Variants in DCAF17 observed in about 807,000 individuals in gnomAD.
DCAF17 encodes DDB1- and CUL4-associated factor 17.
Under a neutral mutation model 66.0 loss-of-function variants are expected in DCAF17, and 48 were observed. The ratio of observed to expected loss-of-function variants is 0.73; its 90% confidence interval spans 0.58 to 0.92. The LOEUF (loss-of-function observed/expected upper bound fraction) is 0.92, where lower values mean the gene tolerates loss of function less well. Ranked by LOEUF, DCAF17 falls within the 40% of genes least tolerant of loss-of-function variation. DCAF17 has a pLI of 0.00. For synonymous variants in DCAF17, 206 were observed against 214.6 expected, an observed-to-expected ratio of 0.96 and a Z score of 0.35; for missense variants, 562 against 622.8, an observed-to-expected ratio of 0.90 and a Z score of 1.04.
chr2:171,478,235 A>G (rs1696590239), intron 12 of DCAF17, among the ~76,000 whole-genome samples, 165 bp downstream of exon 12: 1 of 152,216 alleles, frequency 6.6e-6, no homozygotes, highest in South Asian at 2.1e-4. Flanking sequence ...CAAACCCATC[A>G]TCCTCTCTTT....
At position 171,480,005 on chromosome 2, in the gene DCAF17, C is replaced by G. The variant is rs752019061; in HGVS notation, c.1267-33C>G. ...CCTACCTGAATAACTGGATTTTGCC[C>G]CTTTCCCTCTATTTTATCTATCTAT... On this transcript the variant is annotated intron_variant, in intron 12 of 13. Coordinates refer to ENST00000375255, the MANE Select transcript of DCAF17 (RefSeq NM_025000.4). 3 of 1,610,936 alleles carry G rather than the reference C, an allele frequency of 1.9e-6. No individual in the cohort carries two copies. The Admixed American group carries it at 5.0e-5, about 27-fold the overall frequency.
In DCAF17 at chr2:171,435,107, T is replaced by A; in HGVS notation, c.151T>A (p.Trp51Arg). 6.2e-7 allele frequency: 1 copy of A among 1,611,708 alleles called. No individual in the cohort carries two copies. The highest frequency in any genetic ancestry group is 8.5e-7 in the Non-Finnish European group (1 of 1,177,890). ...GGAAAGTACTAAATTTAAGAATGTC[T>A]GGACAACTCATTCCAGGTCACCTAT... ...CQESTKFKNV[W>R]TTHSRSPIAY... is the part of the protein sequence containing the mutation. Residue 51 changes from tryptophan to arginine, a missense_variant, in exon 2 of 14, where the codon TGG (tryptophan) becomes AGG (arginine). By Grantham distance (101) the Trp-to-Arg change is moderately radical. Around this residue, in one of 3 missense-constraint regions of DCAF17, gnomAD observed 348 missense variants for 355.9 expected, o/e 0.98. Coordinates refer to ENST00000375255, the MANE Select transcript of DCAF17 (RefSeq NM_025000.4).
intron 8 of DCAF17, among the ~76,000 whole-genome samples, chr2:171,464,388 A>G (rs1695768903): frequency 6.6e-6 from 1 of 152,118 alleles, no homozygotes; most frequent in African/African-American, 2.4e-5. Flanking sequence ...GTTGTTCACA[A>G]TCTTTGGTGT....
chr2:171,461,291 A>C (rs969196467), intron 8 of DCAF17, among the ~76,000 whole-genome samples: 1 of 152,066 alleles, frequency 6.6e-6, no homozygotes, highest in African/African-American at 2.4e-5. Context: ...CCAAAAATAC[A>C]AAAAATTAGC....
chr2:171,476,729 A>G, intron 10 of DCAF17, 131 bp from the exon 11 acceptor site: 1 of 676,752 alleles, frequency 1.5e-6, no homozygotes, highest in Non-Finnish European at 2.7e-6. Context: ...TTAGTATTGT[A>G]GACTAATCAA....
intron 8 of DCAF17, among the ~76,000 whole-genome samples, chr2:171,462,813 A>G (rs187444896): frequency 2.0e-5 from 3 of 152,350 alleles, no homozygotes; most frequent in Non-Finnish European, 4.4e-5. Context: ...GGTAAGTGAC[A>G]TTAGTATTAT....
At chr2:171,460,653 C>T (rs989554064) in intron 8 of DCAF17, among the ~76,000 whole-genome samples, 1 of 152,062 alleles carries the variant, frequency 6.6e-6, no homozygotes, top group African/African-American at 2.4e-5. Context: ...ACATTAGCCT[C>T]CCAAGTAGCT....
At chr2:171,467,329 A>G (rs1695962371) in intron 8 of DCAF17, among the ~76,000 whole-genome samples, 1 of 151,918 alleles carries the variant, frequency 6.6e-6, no homozygotes, top group East Asian at 1.9e-4. Context: ...TTATGTGTTA[A>G]TTGACTATTT....
At chr2:171,447,367 T>TC in intron 3 of DCAF17, 1 of 364,946 alleles carries the variant, frequency 2.7e-6, no homozygotes. Context: ...TTTCTTTCTT[T>TC]CTTTTTTTCT....
At position 171,477,061 on chromosome 2, in the gene DCAF17, T is replaced by C. The variant is rs1696531186; in HGVS notation, c.1182+111T>C. On this transcript the variant is annotated intron_variant, in intron 11 of 13. Transcript: ENST00000375255. The stretch of plus-strand genomic sequence containing the variant: ...GTAGCAGAAAACAACAGCACAGCCC[T>C]ATAAAAGTCTGTACATTTTGTCTAC... 4 of 796,920 alleles carry C rather than the reference T, an allele frequency of 5.0e-6. No individual in the cohort carries two copies. In the Admixed American group the frequency reaches 6.8e-5, roughly 14 times the overall value. 49.4% of individuals were successfully genotyped at this position (796,920 alleles called of 1,614,324 possible).
rs1471188719 is a variant in DCAF17, at chr2:171,453,223, C to A, written c.627+10C>A. 7.6e-6 allele frequency: 12 copies of A among 1,580,604 alleles called. No individual in the cohort carries two copies. The East Asian group carries it at 1.8e-4, about 24-fold the overall frequency. On this transcript the variant is annotated intron_variant, in intron 6 of 13. Coordinates refer to ENST00000375255, the MANE Select transcript of DCAF17 (RefSeq NM_025000.4). Reference sequence around the variant, plus strand: ...AGAGATCAACAAAAAGGTAAGAACTCATTTCTTATTTAATTGCAATATTTT... The same window carrying A: ...AGAGATCAACAAAAAGGTAAGAACTAATTTCTTATTTAATTGCAATATTTT...
intron 11 of DCAF17, among the ~76,000 whole-genome samples, chr2:171,477,622 G>A (rs1254698074): frequency 6.6e-6 from 1 of 152,124 alleles, no homozygotes; most frequent in East Asian, 1.9e-4. Flanking sequence ...GGTAAACCCT[G>A]TCTCTACAAA....
At chr2:171,440,913 TGAG>T (rs1694269509) in intron 2 of DCAF17, among the ~76,000 whole-genome samples, 1 of 152,338 alleles carries the variant, frequency 6.6e-6, no homozygotes, top group East Asian at 1.9e-4. Flanking sequence ...TTTCGTGCTA[TGAG>T]GACAGACGGG....
In DCAF17 at chr2:171,473,572, G is replaced by A. The variant is rs187093964; in HGVS notation, c.982-294G>A. 4.0e-5 allele frequency among the ~76,000 whole-genome samples: 6 copies of A among 151,608 alleles called. No homozygotes were observed. The East Asian group carries it at 5.8e-4, about 15-fold the overall frequency. On this transcript the variant is annotated intron_variant, in intron 9 of 13. Transcript: ENST00000375255. ...AAACAGTGCCTATAAAGCATCAAAC[G>A]CAGTTCCTGACACAAAGTAGATGCT...
intron 11 of DCAF17, among the ~76,000 whole-genome samples, chr2:171,477,770 C>G (rs1008091660): frequency 1.3e-5 from 2 of 152,116 alleles, no homozygotes; most frequent in Non-Finnish European, 2.9e-5. Flanking sequence ...GAGGCAAGAT[C>G]GCACCACGGC....
intron 2 of DCAF17, among the ~76,000 whole-genome samples, chr2:171,440,792 A>G (rs1001402176): frequency 6.6e-6 from 1 of 152,126 alleles, no homozygotes; most frequent in Non-Finnish European, 1.5e-5. Flanking sequence ...GGAAAGCTGT[A>G]ATTGTCAGTA....
At chr2:171,464,231 A>G (rs1336286723) in intron 8 of DCAF17, among the ~76,000 whole-genome samples, 2 of 152,196 alleles carry the variant, frequency 1.3e-5, no homozygotes, top group Admixed American at 6.5e-5. Context: ...AGAGAGCAAC[A>G]CTACAAACTG....
intron 9 of DCAF17, among the ~76,000 whole-genome samples, chr2:171,469,695 CAT>C (rs1266941881): frequency 6.6e-6 from 1 of 152,090 alleles, no homozygotes; most frequent in Non-Finnish European, 1.5e-5. Context: ...TTAAAGGAAA[CAT>C]GTAGAAAAAT....
Position 171,480,081 on chromosome 2 carries a change from C to G in DCAF17, c.1310C>G (p.Ser437Cys). 6 of 1,613,780 alleles carry G rather than the reference C, an allele frequency of 3.7e-6. No homozygotes were observed. Among genetic ancestry groups the G allele is most frequent in the Non-Finnish European group, 5.1e-6 (6 of 1,179,770 alleles). ...TATGAAGATGAGTTAGATTTGCTTT[C>G]TGTGGTAGCTGTTACTCAAATAGAT... ...VDYEDELDLL[S>C]VVAVTQIDAE... The change falls in exon 13 of 14, where the codon TCT (serine) becomes TGT (cysteine). Residue 437 changes from serine (S) to cysteine (C), a missense_variant. Ser to Cys is a moderately radical substitution (Grantham distance 112). Transcript: ENST00000375255.
Sources: allele counts gnomAD v4.1 joint callset (sites outside exome capture counted in the v4.1 genomes callset), GRCh38; gene constraint gnomAD v4.1.1; regional missense constraint gnomAD v4.1.1; transcripts MANE v1.5; gene names NCBI Gene and HGNC (gene_info 2026-07-23, HGNC 2026-07-21).